ABHD2: variants seen among roughly 807,000 people sequenced by gnomAD.
ABHD2 encodes the protein abhydrolase domain containing 2, acylglycerol lipase.
In ABHD2, 20 loss-of-function variants were observed where a neutral mutation model predicts 48.1. The ratio of observed to expected loss-of-function variants is 0.42; its 90% CI spans 0.29 to 0.60. The LOEUF (loss-of-function observed/expected upper bound fraction) is 0.60. Among genes scored for constraint, ABHD2 ranks in the 20% least tolerant of loss-of-function variants. The probability of loss-of-function intolerance (pLI) is 0.24; values close to 1 mark genes in which losing one functional copy is unlikely to be tolerated. For missense variants in ABHD2, 405 were observed against 550.9 expected, an observed-to-expected ratio of 0.74 and a Z score of 2.65; for synonymous variants, 209 against 214.2, an observed-to-expected ratio of 0.98 and a Z score of 0.21.
rs930524274 is a variant in ABHD2 at position 89,168,080 on chromosome 15, G to A, written c.539-7732G>A. On this transcript the variant is annotated intron_variant, in intron 5 of 10. Coordinates refer to ENST00000352732, the MANE Select transcript of ABHD2 (RefSeq NM_152924.5). This position sits in a 1 kb window ranked among gnomAD's most constrained non-coding sequence, Gnocchi z 4.8. ...ATCCACAAGGAACACCAAGTCTCGAGTCCCTGTATTTTAGCCTATTTAGTC... is the reference window on the plus strand; with the variant it reads ...ATCCACAAGGAACACCAAGTCTCGAATCCCTGTATTTTAGCCTATTTAGTC... 6.6e-6 allele frequency among the ~76,000 whole-genome samples: 1 copy of A among 152,172 alleles called. No individual in the cohort carries two copies. The highest frequency in any genetic ancestry group is 2.4e-5 in the African/African-American group (1 of 41,414).
chr15:89,042,646 G>GT, the ABHD2 span, among the ~76,000 whole-genome samples: 8 of 130,788 alleles, frequency 6.1e-5, no homozygotes, highest in African/African-American at 2.3e-4. Flanking sequence ...GAGACTTTTT[G>GT]TTTTTTCTTT....
At chr15:89,059,608 C>T in the ABHD2 span, among the ~76,000 whole-genome samples, 2 of 152,118 alleles carry the variant, frequency 1.3e-5, no homozygotes, top group Non-Finnish European at 2.9e-5. Context: ...TAGGGATGGG[C>T]TTGAGAAGTA....
At chr15:89,111,707 C>G (rs1170671719) in intron 1 of ABHD2, among the ~76,000 whole-genome samples, 1 of 152,200 alleles carries the variant, frequency 6.6e-6, no homozygotes, top group Non-Finnish European at 1.5e-5. Flanking sequence ...CATGGACTCA[C>G]CTAGCTAAGG....
the ABHD2 span, among the ~76,000 whole-genome samples, chr15:89,051,071 A>C: frequency 2.6e-5 from 4 of 152,174 alleles, no homozygotes; most frequent in African/African-American, 4.8e-5. Context: ...CATCTCTACT[A>C]AAAATACAAA....
upstream of ABHD2, among the ~76,000 whole-genome samples, chr15:89,086,566 C>A (rs1319649613): frequency 6.6e-6 from 1 of 152,190 alleles, no homozygotes; most frequent in Non-Finnish European, 1.5e-5. Context: ...AGGCATGCAC[C>A]ACCACATCAG....
Position 89,198,143 on chromosome 15 carries a change from G to A in ABHD2, c.*2720G>A, listed in dbSNP as rs916382137. ...TGATGAGTATATGAATCCCCCTCTT[G>A]CTAGTAAGGTTCTATTTGGGCTAAA... On this transcript the variant is annotated 3_prime_UTR_variant, in exon 11 of 11. Transcript: ENST00000352732. The surrounding 1 kb of genome is among the most constrained non-coding windows in gnomAD (Gnocchi z 5.1). 2 of 152,238 alleles carry A rather than the reference G, an allele frequency of 1.3e-5. No individual in the cohort carries two copies. The highest frequency in any genetic ancestry group is 3.4e-3 in the Middle Eastern group (1 of 294). The allele number at this position is 152,238 out of a possible 1,614,324, so 9.4% of individuals were successfully genotyped here.
intron 1 of ABHD2, among the ~76,000 whole-genome samples, chr15:89,113,258 C>T (rs2049904113): frequency 6.6e-6 from 1 of 152,170 alleles, no homozygotes; most frequent in Non-Finnish European, 1.5e-5. Context: ...TGTTTTTGAG[C>T]CCATCTGTGC....
At chr15:89,062,896 TCC>T in the ABHD2 span, among the ~76,000 whole-genome samples, 1 of 151,980 alleles carries the variant, frequency 6.6e-6, no homozygotes, top group Non-Finnish European at 1.5e-5. Flanking sequence ...GAGAATAACT[TCC>T]TTTTCATTTT....
the ABHD2 span, among the ~76,000 whole-genome samples, chr15:89,068,861 C>T: frequency 2.1e-5 from 3 of 140,144 alleles, no homozygotes; most frequent in African/African-American, 7.9e-5. Context: ...CTCCACCTCC[C>T]GGGTTCAAGT....
chr15:89,061,879 A>G, the ABHD2 span, among the ~76,000 whole-genome samples: 1 of 152,114 alleles, frequency 6.6e-6, no homozygotes, highest in African/African-American at 2.4e-5. Flanking sequence ...TGGCCCAAAA[A>G]AGATAATTTC....
chr15:89,159,827 T>C (rs1338113900), intron 5 of ABHD2, among the ~76,000 whole-genome samples: 1 of 118,140 alleles, frequency 8.5e-6, no homozygotes, highest in Non-Finnish European at 1.9e-5. Context: ...ATTTCTGTAG[T>C]TTATTATACT....
At chr15:89,121,290 G>C (rs1238788442) in intron 3 of ABHD2, among the ~76,000 whole-genome samples, 1 of 152,082 alleles carries the variant, frequency 6.6e-6, no homozygotes, top group African/African-American at 2.4e-5. Flanking sequence ...TTCTGATTCT[G>C]GTACCCTTGC....
the ABHD2 span, among the ~76,000 whole-genome samples, chr15:89,047,404 C>G: frequency 6.6e-6 from 1 of 152,090 alleles, no homozygotes; most frequent in Non-Finnish European, 1.5e-5. Flanking sequence ...CTGTAGATAT[C>G]TATTAGGTCC....
chr15:89,152,606 G>A (rs1375720266), intron 4 of ABHD2, among the ~76,000 whole-genome samples: 2 of 152,266 alleles, frequency 1.3e-5, no homozygotes, highest in South Asian at 2.1e-4. Flanking sequence ...ACTGAAGCTC[G>A]GAGATGCAGT....
At chr15:89,075,349 T>C in the ABHD2 span, 1 of 152,340 alleles carries the variant, frequency 6.6e-6, no homozygotes, top group Non-Finnish European at 1.5e-5. This position sits in a 1 kb window ranked among gnomAD's most constrained non-coding sequence, Gnocchi z 4.1. Flanking sequence ...GGAAAGCCTT[T>C]ATGGATGGAG....
the ABHD2 span, among the ~76,000 whole-genome samples, chr15:89,059,247 A>C: frequency 0.89 from 135,774 of 152,178 alleles, 60,723 homozygotes; most frequent in South Asian, 0.96. Flanking sequence ...AGAGGGGTAC[A>C]TCTGCCCACC....
chr15:89,062,946 A>C, the ABHD2 span, among the ~76,000 whole-genome samples: 1 of 150,264 alleles, frequency 6.7e-6, no homozygotes, highest in African/African-American at 2.4e-5. Context: ...AGGTCTGTTT[A>C]ATCAGTCACA....
Position 89,200,738 on chromosome 15 carries a change from A to G in ABHD2, c.*5315A>G, listed in dbSNP as rs2051458219. On this transcript the variant is annotated 3_prime_UTR_variant, in exon 11 of 11. Coordinates refer to ENST00000352732, the MANE Select transcript of ABHD2 (RefSeq NM_152924.5). ...AATCTTCTGGTCAAGAGAAAAAAAA[A>G]AGAAATAGCACTCTGCATGCTTTGC... 1 of 231,494 alleles carries G rather than the reference A, an allele frequency of 4.3e-6. No homozygotes were observed. The allele number at this position is 231,494 out of a possible 1,614,324, so 14.3% of individuals were successfully genotyped here. A position where few individuals can be genotyped will look rare whatever the true frequency, so the allele number is the denominator to read the frequency against.
chr15:89,083,247 A>G (rs540504396), upstream of ABHD2, among the ~76,000 whole-genome samples: 1 of 152,300 alleles, frequency 6.6e-6, no homozygotes, highest in South Asian at 2.1e-4. This position sits in a 1 kb window ranked among gnomAD's most constrained non-coding sequence, Gnocchi z 5.1. Flanking sequence ...ATAGCTCAAT[A>G]ACATAAAATT....
Sources: gnomAD v4.1 joint callset for allele counts (sites outside exome capture counted in the v4.1 genomes callset) on GRCh38, gnomAD v4.1.1 for gene constraint, Gnocchi (gnomAD v3.1) non-coding constraint, MANE v1.5 for transcripts, NCBI Gene and HGNC (gene_info 2026-07-23, HGNC 2026-07-21) for gene names.